Variants in RABGAP1 observed in about 807,000 individuals in gnomAD.
RABGAP1 encodes the protein RAB GTPase activating protein 1.
A neutral mutation model predicts 137.6 loss-of-function variants in RABGAP1; 23 were observed. The observed-to-expected ratio is 0.17, with a 90% confidence interval of 0.12 to 0.24. The LOEUF is 0.24. Ranked by LOEUF, RABGAP1 falls within the 10% of genes least tolerant of loss-of-function variation. The pLI is 1.00. For missense variants in RABGAP1, 906 were observed against 1,275.8 expected, an observed-to-expected ratio of 0.71 and a Z score of 4.42; for synonymous variants, 451 against 450.7, an observed-to-expected ratio of 1.00 and a Z score of -0.01.
At chr9:122,971,678 A>G (rs1481964182) in intron 2 of RABGAP1, 2 of 152,244 alleles carry the variant, frequency 1.3e-5, no homozygotes, top group African/African-American at 4.8e-5. Context: ...CAGTGAAATT[A>G]AAAGTGCAGC....
chr9:123,099,584 A>G lies in RABGAP1; in HGVS notation c.2889+35A>G, dbSNP rs185408774. The G allele has an allele frequency of 1.4e-5, 21 of 1,537,688 alleles. No individual in the cohort carries two copies. In the East Asian group the frequency reaches 4.0e-4, roughly 30 times the overall value. On this transcript the variant is annotated intron_variant, in intron 24 of 25. Transcript: ENST00000373647. The stretch of plus-strand genomic sequence containing the variant: ...CTCTTTACCTAAAAGATTTTATACC[A>G]CCTACTTCATTTTATGGCTGTATAA...
At position 123,070,340 on chromosome 9, in the gene RABGAP1, T is replaced by C. The variant is rs1176925042; in HGVS notation, c.1909-10T>C. Reference sequence around the variant, plus strand: ...TCATTTACATTTCCTCTGTGTGTTTTATTTTCCAGGCTTATTCTGTGTATG... The same window carrying C: ...TCATTTACATTTCCTCTGTGTGTTTCATTTTCCAGGCTTATTCTGTGTATG... On this transcript the variant is annotated splice_polypyrimidine_tract_variant and intron_variant, in intron 14 of 25. Transcript: ENST00000373647. The surrounding 1 kb of genome is among the most constrained non-coding windows in gnomAD (Gnocchi z 4.4). 1 of 1,613,790 alleles carries C rather than the reference T, an allele frequency of 6.2e-7. No homozygotes were observed. The highest frequency in any genetic ancestry group is 8.5e-7 in the Non-Finnish European group (1 of 1,179,908).
intron 1 of RABGAP1, among the ~76,000 whole-genome samples, chr9:122,942,897 A>G (rs1289290367): frequency 2.0e-5 from 3 of 152,042 alleles, no homozygotes; most frequent in Middle Eastern, 3.2e-3. Flanking sequence ...TGTAATCCCA[A>G]CACTTTGGGA....
intron 13 of RABGAP1, among the ~76,000 whole-genome samples, chr9:123,036,484 A>G (rs2032668138): frequency 6.6e-6 from 1 of 152,224 alleles, no homozygotes; most frequent in South Asian, 2.1e-4. Flanking sequence ...TCCATTTTAT[A>G]ATGGTGACTA....
rs181057002 is a variant in RABGAP1, at chr9:123,024,111, C to T, written c.1794+3652C>T. Reference sequence around the variant, plus strand: ...TCAGTAACATAAAATACATAGTATGCTTTTAAAGGTGTTTCTTATTTCAAT... The same window carrying T: ...TCAGTAACATAAAATACATAGTATGTTTTTAAAGGTGTTTCTTATTTCAAT... On this transcript the variant is annotated intron_variant, in intron 13 of 25. Transcript: ENST00000373647. 4.5e-4 allele frequency among the ~76,000 whole-genome samples: 69 copies of T among 152,200 alleles called. 1 individual carries two copies. The East Asian group carries it at 0.011, about 24-fold the overall frequency.
intron 2 of RABGAP1, among the ~76,000 whole-genome samples, chr9:122,966,631 A>G (rs1260616328): frequency 6.6e-6 from 1 of 152,238 alleles, no homozygotes; most frequent in Non-Finnish European, 1.5e-5. Flanking sequence ...AGGGTACTTC[A>G]GTATTCAGAG....
intron 14 of RABGAP1, among the ~76,000 whole-genome samples, chr9:123,068,903 T>C (rs985023254): frequency 1.3e-5 from 2 of 152,206 alleles, no homozygotes; most frequent in African/African-American, 4.8e-5. Context: ...CAATTCTAAG[T>C]TGCTTTCTTG....
chr9:123,033,764 A>G (rs927522527), intron 13 of RABGAP1: 2 of 152,246 alleles, frequency 1.3e-5, no homozygotes, highest in Non-Finnish European at 2.9e-5. Context: ...AAATTGAACT[A>G]AACAGTAAAT....
At chr9:122,978,610 G>C (rs1276547579) in intron 2 of RABGAP1, among the ~76,000 whole-genome samples, 1 of 152,104 alleles carries the variant, frequency 6.6e-6, no homozygotes. Flanking sequence ...CCTGCAGCTT[G>C]GTCAGCAGAG....
At chr9:123,011,458 G>T (rs2030800465) in intron 11 of RABGAP1, among the ~76,000 whole-genome samples, 1 of 152,038 alleles carries the variant, frequency 6.6e-6, no homozygotes, top group Non-Finnish European at 1.5e-5. Flanking sequence ...CTTTCTTCAA[G>T]TTTAGAGTGA....
At chr9:122,941,153 T>C (rs938062134) in intron 1 of RABGAP1, 60 bp downstream of exon 1, 1 of 152,302 alleles carries the variant, frequency 6.6e-6, no homozygotes, top group Non-Finnish European at 1.5e-5. Context: ...CCCAGGGGTA[T>C]TTTCCGACGG....
intron 2 of RABGAP1, among the ~76,000 whole-genome samples, chr9:122,973,137 GTTCCTC>G (rs1256294990): frequency 6.6e-6 from 1 of 152,082 alleles, no homozygotes; most frequent in African/African-American, 2.4e-5. Context: ...CTGACTATAT[GTTCCTC>G]TCAGTTGGGA....
Position 123,070,239 on chromosome 9 carries a change from C to T in RABGAP1, c.1909-111C>T. ...CACTTACTGTCTGTCAAAATGCTGT[C>T]CCAGTGTGGGTAGCATCCTCCAGGG... On this transcript the variant is annotated intron_variant, in intron 14 of 25. Transcript: ENST00000373647. This position sits in a 1 kb window ranked among gnomAD's most constrained non-coding sequence, Gnocchi z 4.4. 1 of 1,524,878 alleles carries T rather than the reference C, an allele frequency of 6.6e-7. No homozygotes were observed. Among genetic ancestry groups the T allele is most frequent in the African/African-American group, 1.4e-5 (1 of 72,260 alleles). 94.5% of individuals were successfully genotyped at this position (1,524,878 alleles called of 1,614,324 possible).
chr9:122,972,668 A>C (rs537376855), intron 2 of RABGAP1, among the ~76,000 whole-genome samples: 11 of 152,308 alleles, frequency 7.2e-5, no homozygotes, highest in African/African-American at 2.6e-4. Flanking sequence ...TTAATTTTCA[A>C]CATCAGTATA....
chr9:122,972,884 C>T (rs943042629), intron 2 of RABGAP1, among the ~76,000 whole-genome samples: 1 of 151,368 alleles, frequency 6.6e-6, no homozygotes, highest in Non-Finnish European at 1.5e-5. Context: ...ACCTGTAATC[C>T]CAGCACTTGG....
chr9:123,054,773 T>C (rs1338424372), intron 13 of RABGAP1, among the ~76,000 whole-genome samples: 1 of 152,254 alleles, frequency 6.6e-6, no homozygotes, highest in Non-Finnish European at 1.5e-5. Flanking sequence ...TAAGGAATAC[T>C]GCTCAGATAT....
At chr9:123,057,261 C>T (rs1273163422) in intron 13 of RABGAP1, among the ~76,000 whole-genome samples, 48 of 148,836 alleles carry the variant, frequency 3.2e-4, no homozygotes, top group African/African-American at 1.1e-3. Context: ...TCAGATGGGG[C>T]GGCTGCTGGG....
chr9:122,975,629 T>G (rs1422911060), intron 2 of RABGAP1, among the ~76,000 whole-genome samples: 1 of 152,174 alleles, frequency 6.6e-6, no homozygotes, highest in Non-Finnish European at 1.5e-5. Flanking sequence ...AAACCTCAAC[T>G]CTAATAGGTG....
chr9:123,035,236 G>T, intron 13 of RABGAP1: 1 of 1,614,154 alleles, frequency 6.2e-7, no homozygotes. Flanking sequence ...GCACACAAAG[G>T]ATATCAGCGA....
Sources: gnomAD v4.1 joint callset for allele counts (sites outside exome capture counted in the v4.1 genomes callset) on GRCh38, gnomAD v4.1.1 for gene constraint, Gnocchi (gnomAD v3.1) non-coding constraint, MANE v1.5 for transcripts, NCBI Gene and HGNC (gene_info 2026-07-23, HGNC 2026-07-21) for gene names.